The following SCAF8 variants were observed in gnomAD, a reference collection of about 807,000 sequenced individuals.
The protein encoded by SCAF8 is SR-related CTD associated factor 8.
In SCAF8, 23 loss-of-function variants were observed where a neutral mutation model predicts 140.5. The ratio of observed to expected loss-of-function variants is 0.16; its 90% confidence interval spans 0.12 to 0.23. The LOEUF (loss-of-function observed/expected upper bound fraction) is 0.23, where lower values mean the gene tolerates loss of function less well. Ranked by LOEUF, SCAF8 falls within the 10% of genes least tolerant of loss-of-function variation. SCAF8 has a pLI of 1.00. For synonymous variants in SCAF8, 575 were observed against 528.9 expected, an observed-to-expected ratio of 1.09 and a Z score of -1.20; for missense variants, 1,397 against 1,555.7, an observed-to-expected ratio of 0.90 and a Z score of 1.72.
chr6:154,807,891 T>C (rs113010766), intron 9 of SCAF8, among the ~76,000 whole-genome samples, 179 bp from the exon 10 acceptor site: 11 of 152,258 alleles, frequency 7.2e-5, no homozygotes, highest in African/African-American at 2.4e-4. Flanking sequence ...TATATAAAAA[T>C]GAGTTTATAC....
In SCAF8 at chr6:154,801,979, A is replaced by G. The variant is rs753619298; in HGVS notation, c.615A>G (p.Gln205=). The change falls in exon 7 of 20, where the codon CAA becomes CAG. Residue 205 remains glutamine, a synonymous_variant. Transcript: ENST00000367178. The part of the protein sequence containing the change: ...LQSPQGQQLQ[Q]LIQTLQIQQQ... Reference sequence around the variant, plus strand: ...TATTTTTTTCTCTCCAGCTTCAACAATTAATACAAACCTTACAGATACAAC... The same window carrying G: ...TATTTTTTTCTCTCCAGCTTCAACAGTTAATACAAACCTTACAGATACAAC... The G allele has an allele frequency of 5.1e-6, 8 of 1,583,554 alleles. No homozygotes were observed. In the Admixed American group the frequency reaches 1.4e-4, roughly 27 times the overall value.
intron 1 of SCAF8, among the ~76,000 whole-genome samples, chr6:154,741,629 A>G (rs1349067526): frequency 1.3e-5 from 2 of 151,198 alleles, no homozygotes; most frequent in African/African-American, 4.9e-5. Context: ...CTGATCTCGA[A>G]CTCCTGACCT....
chr6:154,760,467 T>C lies in SCAF8; in HGVS notation c.31-13522T>C, dbSNP rs554788667. On this transcript the variant is annotated intron_variant, in intron 1 of 19. Coordinates refer to ENST00000367178, the MANE Select transcript of SCAF8 (RefSeq NM_014892.5). ...AAATAAACATCACTTCCCTTTGTAA[T>C]GTCATACTTTTTTTTAAAAAAGGGT... Among the ~76,000 whole-genome samples, 14 of 152,312 alleles carry C rather than the reference T, an allele frequency of 9.2e-5. 1 individual carries two copies. In the South Asian group the frequency reaches 1.9e-3, roughly 20 times the overall value.
At position 154,808,075 on chromosome 6, in the gene SCAF8, T is replaced by C. The variant is rs1777974486; in HGVS notation, c.987T>C (p.Thr329=). The C allele has an allele frequency of 6.2e-7, 1 of 1,612,176 alleles. No individual in the cohort carries two copies. Among genetic ancestry groups the C allele is most frequent in the Admixed American group, 1.7e-5 (1 of 59,552 alleles). The change falls in exon 10 of 20, where the codon ACT becomes ACC. Residue 329 remains threonine, a synonymous_variant. Transcript: ENST00000367178. Reference sequence around the variant, plus strand: ...TTTGTATATGTTCTCAATAGGCCACTCCTCAGGATAGTCAGGAAGGAACCT... The same window carrying C: ...TTTGTATATGTTCTCAATAGGCCACCCCTCAGGATAGTCAGGAAGGAACCT... ...LLEQQQPQKA[T]PQDSQEGTFG... is the part of the protein sequence containing the mutation.
intron 6 of SCAF8, among the ~76,000 whole-genome samples, chr6:154,800,481 A>G (rs1247937336): frequency 6.6e-6 from 1 of 151,520 alleles, no homozygotes; most frequent in Non-Finnish European, 1.5e-5. Flanking sequence ...AAAACTATAA[A>G]TGGTGGGCTC....
chr6:154,826,497 G>T (rs979730753), intron 17 of SCAF8, among the ~76,000 whole-genome samples: 5 of 152,142 alleles, frequency 3.3e-5, no homozygotes, highest in Admixed American at 1.3e-4. Flanking sequence ...TTATAGTTTA[G>T]AATTATTTTA....
At chr6:154,777,647 C>A (rs781613388) in intron 2 of SCAF8, among the ~76,000 whole-genome samples, 2 of 152,164 alleles carry the variant, frequency 1.3e-5, no homozygotes, top group Admixed American at 1.3e-4. Flanking sequence ...CTTTTCCTTT[C>A]ATGAATATAA....
chr6:154,799,028 G>A (rs748364199), intron 6 of SCAF8, among the ~76,000 whole-genome samples: 1 of 150,794 alleles, frequency 6.6e-6, no homozygotes. Flanking sequence ...TGTCACCCAG[G>A]CTGGAGTGAA....
rs1778814622 is a variant in SCAF8, at chr6:154,833,539, A to G, written c.*144A>G. ...TCATGTTCACCTTTCTCTTAAAATA[A>G]TTGTACAACTGACTTGTATAGACAT... is the stretch of plus-strand genomic sequence containing the variant. On this transcript the variant is annotated 3_prime_UTR_variant, in exon 20 of 20. Transcript: ENST00000367178. 1 of 764,426 alleles carries G rather than the reference A, an allele frequency of 1.3e-6. No individual in the cohort carries two copies. The highest frequency in any genetic ancestry group is 1.8e-5 in the African/African-American group (1 of 56,746). 47.4% of individuals were successfully genotyped at this position (764,426 alleles called of 1,614,324 possible). A position where few individuals can be genotyped will look rare whatever the true frequency, so the allele number is the denominator to read the frequency against.
intron 4 of SCAF8, among the ~76,000 whole-genome samples, chr6:154,788,548 G>A (rs1284027364): frequency 6.6e-6 from 1 of 152,080 alleles, no homozygotes; most frequent in African/African-American, 2.4e-5. Flanking sequence ...TAGCAGATTT[G>A]CTACTTTTTA....
intron 12 of SCAF8, among the ~76,000 whole-genome samples, chr6:154,810,847 G>A (rs1455706092): frequency 1.3e-5 from 2 of 151,990 alleles, no homozygotes; most frequent in African/African-American, 4.8e-5. Flanking sequence ...TGAACTAAGA[G>A]TTTACATATG....
At position 154,808,070 on chromosome 6, in the gene SCAF8, G is replaced by A; in HGVS notation, c.982G>A (p.Ala328Thr). Reference sequence around the variant, plus strand: ...GTGTGTTTGTATATGTTCTCAATAGGCCACTCCTCAGGATAGTCAGGAAGG... The same window carrying A: ...GTGTGTTTGTATATGTTCTCAATAGACCACTCCTCAGGATAGTCAGGAAGG... ...QLLEQQQPQK[A>T]TPQDSQEGTF... The change falls in exon 10 of 20, where the codon GCC becomes ACC. Residue 328 changes from alanine (A) to threonine (T), a missense_variant and splice_region_variant. This residue lies in a region of SCAF8 where 339 missense variants were observed against 407.5 expected (regional missense o/e 0.83). Transcript: ENST00000367178. 2 of 1,611,860 alleles carry A rather than the reference G, an allele frequency of 1.2e-6. No homozygotes were observed. The highest frequency in any genetic ancestry group is 1.7e-6 in the Non-Finnish European group (2 of 1,179,198).
intron 1 of SCAF8, among the ~76,000 whole-genome samples, chr6:154,759,489 C>G (rs1408442559): frequency 1.3e-5 from 2 of 152,030 alleles, no homozygotes; most frequent in Admixed American, 1.3e-4. Context: ...AATGGCATAT[C>G]CTGCTTAATA....
intron 1 of SCAF8, among the ~76,000 whole-genome samples, chr6:154,760,465 A>C (rs573723112): frequency 3.1e-4 from 47 of 152,160 alleles, no homozygotes; most frequent in Non-Finnish European, 5.9e-4. Context: ...TTCCCTTTGT[A>C]ATGTCATACT....
In SCAF8 at chr6:154,800,667, T is replaced by C. The variant is rs766596090; in HGVS notation, c.607-1304T>C. On this transcript the variant is annotated intron_variant, in intron 6 of 19. Coordinates refer to ENST00000367178, the MANE Select transcript of SCAF8 (RefSeq NM_014892.5). The stretch of plus-strand genomic sequence containing the variant: ...AAAGGAGGGTAATGATTATGAAAAA[T>C]AGTAAGGTTGTATACTTTCTGAAAA... Among the ~76,000 whole-genome samples the C allele has an allele frequency of 6.6e-5, 10 of 151,144 alleles. 1 individual carries two copies. Among genetic ancestry groups the C allele is most frequent in the Non-Finnish European group, 1.3e-4 (9 of 67,676 alleles).
chr6:154,803,526 T>C lies in SCAF8; in HGVS notation c.784-18T>C, dbSNP rs1777829546. On this transcript the variant is annotated intron_variant, in intron 7 of 19. Coordinates refer to ENST00000367178, the MANE Select transcript of SCAF8 (RefSeq NM_014892.5). ...TGAAGCACTTTTTAATATGTCTGTT[T>C]CTCCTTCTTTCCCCCAGAAGTTGAT... 1 of 1,588,280 alleles carries C rather than the reference T, an allele frequency of 6.3e-7. No individual in the cohort carries two copies. Among genetic ancestry groups the C allele is most frequent in the South Asian group, 1.1e-5 (1 of 89,882 alleles).
At chr6:154,822,654 CAG>C (rs1562464537) in intron 16 of SCAF8, among the ~76,000 whole-genome samples, 1 of 152,004 alleles carries the variant, frequency 6.6e-6, no homozygotes, top group Non-Finnish European at 1.5e-5. Context: ...TCTGAAAACT[CAG>C]AGGATTTTTT....
intron 13 of SCAF8, among the ~76,000 whole-genome samples, chr6:154,816,598 C>G (rs1398420202): frequency 6.6e-6 from 1 of 152,208 alleles, no homozygotes; most frequent in African/African-American, 2.4e-5. Context: ...ATCCATCCAT[C>G]CTGGTAAACA....
chr6:154,812,524 A>G (rs1778126905), intron 12 of SCAF8, among the ~76,000 whole-genome samples: 1 of 152,056 alleles, frequency 6.6e-6, no homozygotes, highest in Admixed American at 6.6e-5. Flanking sequence ...TATACAGTGA[A>G]AAATAATCTC....
Sources: gnomAD v4.1 joint callset for allele counts (sites outside exome capture counted in the v4.1 genomes callset) on GRCh38, gnomAD v4.1.1 for gene constraint, gnomAD v4.1.1 regional missense constraint, MANE v1.5 for transcripts, NCBI Gene and HGNC (gene_info 2026-07-23, HGNC 2026-07-21) for gene names.